The following MKRN1 variants were observed in gnomAD, a reference collection of about 807,000 sequenced individuals.
MKRN1 encodes makorin ring finger protein 1, also known as E3 ubiquitin-protein ligase makorin-1.
In MKRN1, 9 loss-of-function variants were observed where a neutral mutation model predicts 55.5. The ratio of observed to expected loss-of-function variants is 0.16; its 90% confidence interval spans 0.10 to 0.28. The LOEUF is 0.28. MKRN1 is among the 10% of genes least tolerant of loss of function. The pLI, the probability that MKRN1 is intolerant of heterozygous loss-of-function variation, is 1.00. For missense variants in MKRN1, 488 were observed against 626.7 expected (o/e 0.78, Z 2.36); for synonymous variants, 253 against 235.9 (o/e 1.07, Z -0.66).
chr7:140,469,385 GTA>G (rs1467434468), intron 2 of MKRN1, among the ~76,000 whole-genome samples: 1 of 151,788 alleles, frequency 6.6e-6, no homozygotes, highest in Non-Finnish European at 1.5e-5. Context: ...GTGGTTTAAA[GTA>G]CATACAAAAC....
At chr7:140,456,965 ACTG>A in intron 4 of MKRN1, 99 bp from the exon 5 acceptor site, 3 of 1,197,586 alleles carry the variant, frequency 2.5e-6, no homozygotes, top group Admixed American at 2.4e-5. Flanking sequence ...CAAATAGTCA[ACTG>A]AAAAAACAAT....
chr7:140,459,919 G>C lies in MKRN1; in HGVS notation c.332C>G (p.Pro111Arg), dbSNP rs1387699031. Residue 111 changes from proline (P) to arginine (R), a missense_variant, in exon 3 of 8, where the codon CCA becomes CGA. Physicochemically the swap from Pro to Arg is moderately radical, Grantham distance 103 (BLOSUM62 -2). Transcript: ENST00000255977. ...AGCAGTTGCTTCTTCCTGTTTCAATGGTTTGCTATGTTCATATCTAAGAAA... is the reference window on the plus strand; with the variant it reads ...AGCAGTTGCTTCTTCCTGTTTCAATCGTTTGCTATGTTCATATCTAAGAAA... ...GDRCRYEHSK[P>R]LKQEEATATE... 3 of 1,613,622 alleles carry C rather than the reference G, an allele frequency of 1.9e-6. No homozygotes were observed. The highest frequency in any genetic ancestry group is 2.5e-6 in the Non-Finnish European group (3 of 1,179,756).
Position 140,454,414 on chromosome 7 carries a change from G to A in MKRN1, c.*103C>T, listed in dbSNP as rs532914726. 3.5e-6 allele frequency: 4 copies of A among 1,149,540 alleles called. No individual in the cohort carries two copies. The highest frequency in any genetic ancestry group is 1.5e-5 in the African/African-American group (1 of 65,208). 71.2% of individuals were successfully genotyped at this position (1,149,540 alleles called of 1,614,324 possible). A position where few individuals can be genotyped will look rare whatever the true frequency, so the allele number is the denominator to read the frequency against. On this transcript the variant is annotated 3_prime_UTR_variant, in exon 8 of 8. Transcript: ENST00000255977. The stretch of plus-strand genomic sequence containing the variant: ...AAAAATTCTTAGGACAGCACCTGGA[G>A]TTGAGAGGCCTGCCTAGGAGAGAAC...
intron 5 of MKRN1, 130 bp from the exon 6 acceptor site, chr7:140,456,030 G>T: frequency 9.9e-7 from 1 of 1,013,580 alleles, no homozygotes; most frequent in Non-Finnish European, 1.4e-6. Flanking sequence ...TCCTGAAAGG[G>T]TTCCACATAC....
At chr7:140,456,140 C>G (rs1794460078) in intron 5 of MKRN1, 1 of 1,040,086 alleles carries the variant, frequency 9.6e-7, no homozygotes, top group Non-Finnish European at 1.2e-6. Flanking sequence ...AAAAATATAA[C>G]TTAGGTAAAA....
rs73489099 is a variant in MKRN1 at position 140,474,444 on chromosome 7, G to T, written c.186-2433C>A. On this transcript the variant is annotated intron_variant, in intron 1 of 7. Transcript: ENST00000255977. ...CTTGAACTCGCAGTGGGTTGGGGGGGGCCCAGAGGTTGCAGTGAACCAGGA... is the reference window on the plus strand; with the variant it reads ...CTTGAACTCGCAGTGGGTTGGGGGGTGCCCAGAGGTTGCAGTGAACCAGGA... 1.3e-4 allele frequency: 47 copies of T among 358,018 alleles called. 1 individual carries two copies. The highest frequency in any genetic ancestry group is 6.7e-4 in the South Asian group (34 of 50,404). 22.2% of individuals were successfully genotyped at this position (358,018 alleles called of 1,614,324 possible).
At chr7:140,459,647 G>T in intron 3 of MKRN1, 60 bp downstream of exon 3, 1 of 1,509,628 alleles carries the variant, frequency 6.6e-7, no homozygotes, top group Non-Finnish European at 9.2e-7. Context: ...TCAAAACTAA[G>T]CAAATGGATG....
intron 1 of MKRN1, among the ~76,000 whole-genome samples, chr7:140,476,851 C>T (rs1166322094): frequency 6.6e-6 from 1 of 151,762 alleles, no homozygotes; most frequent in Non-Finnish European, 1.5e-5. Context: ...AGGCTGAGGC[C>T]GGCAGATCAC....
In MKRN1 at chr7:140,469,958, G is replaced by A. The variant is rs543863255; in HGVS notation, c.314+1925C>T. On this transcript the variant is annotated intron_variant, in intron 2 of 7. Coordinates refer to ENST00000255977, the MANE Select transcript of MKRN1 (RefSeq NM_013446.4). ...AGCTACTCGGGAGGCTGAGGCAGGA[G>A]AATCACTTGAACCTGGGAGGTGGAG... 6.7e-4 allele frequency among the ~76,000 whole-genome samples: 100 copies of A among 149,550 alleles called. No homozygotes were observed. The South Asian group carries it at 0.02, about 29-fold the overall frequency.
chr7:140,469,097 C>G (rs1363301059), intron 2 of MKRN1, among the ~76,000 whole-genome samples: 1 of 151,984 alleles, frequency 6.6e-6, no homozygotes, highest in African/African-American at 2.4e-5. Context: ...GAGGCTGAGG[C>G]TGGCGGATCA....
rs760157410 is a variant in MKRN1 at position 140,471,964 on chromosome 7, G to A, written c.233C>T (p.Ser78Leu). Reference protein sequence around the residue: ...VCKEGDNCRYSHDLSDSPYSV... With the variant: ...VCKEGDNCRYLHDLSDSPYSV... Reference sequence around the variant, plus strand: ...ATACGGACTGTCAGAGAGGTCATGCGAGTAGCGACAGTTGTCTCCTTCCTT... The same window carrying A: ...ATACGGACTGTCAGAGAGGTCATGCAAGTAGCGACAGTTGTCTCCTTCCTT... Residue 78 changes from serine to leucine, a missense_variant, in exon 2 of 8, where the codon TCG becomes TTG. Physicochemically the swap from Ser to Leu is moderately radical, Grantham distance 145. Transcript: ENST00000255977. 10 of 1,614,118 alleles carry A rather than the reference G, an allele frequency of 6.2e-6. No individual in the cohort carries two copies. Among genetic ancestry groups the A allele is most frequent in the Middle Eastern group, 1.6e-4 (1 of 6,062 alleles).
chr7:140,456,021 C>G, intron 5 of MKRN1, 121 bp from the exon 6 acceptor site: 1 of 1,043,644 alleles, frequency 9.6e-7, no homozygotes, highest in African/African-American at 1.6e-5. Flanking sequence ...GTGGGCATTT[C>G]CTGAAAGGGT....
In MKRN1 at chr7:140,456,822, G is replaced by A. The variant is rs1062764; in HGVS notation, c.816C>T (p.Ala272=). 179 of 1,613,918 alleles carry A rather than the reference G, an allele frequency of 1.1e-4. No homozygotes were observed. Among genetic ancestry groups the A allele is most frequent in the African/African-American group, 1.1e-3 (82 of 74,996 alleles). ...AHEKDMELSF[A]VQRSKDMVCG... ...ACACCATGTCCTTGCTGCGCTGCAC[G>A]GCAAATGAGAGCTCCATGTCCTTCT... Residue 272 remains alanine (A), a synonymous_variant, in exon 5 of 8, where the codon GCC becomes GCT. Coordinates refer to ENST00000255977, the MANE Select transcript of MKRN1 (RefSeq NM_013446.4).
intron 6 of MKRN1, 53 bp downstream of exon 6, chr7:140,455,737 G>A (rs1794448856): frequency 2.8e-6 from 4 of 1,416,534 alleles, no homozygotes; most frequent in Admixed American, 1.7e-5. Flanking sequence ...TTTTCAAAGT[G>A]AACCCAAGCT....
intron 2 of MKRN1, among the ~76,000 whole-genome samples, chr7:140,464,900 C>A (rs1563091751): frequency 6.6e-6 from 1 of 152,178 alleles, no homozygotes; most frequent in African/African-American, 2.4e-5. Context: ...AGGTGATCCT[C>A]CCACCTCAGT....
intron 2 of MKRN1, among the ~76,000 whole-genome samples, chr7:140,462,978 G>T (rs1794667070): frequency 6.6e-6 from 1 of 151,820 alleles, no homozygotes; most frequent in Non-Finnish European, 1.5e-5. Context: ...AACCAATAAA[G>T]ACTATGCGCG....
intron 1 of MKRN1, chr7:140,478,344 A>G (rs1004010400): frequency 3.3e-5 from 5 of 152,024 alleles, no homozygotes; most frequent in African/African-American, 4.8e-5. Flanking sequence ...AATTTTTCTA[A>G]TATTTTCGTC....
chr7:140,453,574 T>C lies in MKRN1; in HGVS notation c.*943A>G, dbSNP rs1318772197. The stretch of plus-strand genomic sequence containing the variant: ...AACTGTGTATCCAAGACCCAGTTTG[T>C]GTTATTATATGGGATAACCAGGTAG... On this transcript the variant is annotated 3_prime_UTR_variant, in exon 8 of 8. Transcript: ENST00000255977. 1 of 152,600 alleles carries C rather than the reference T, an allele frequency of 6.6e-6. No individual in the cohort carries two copies. Among genetic ancestry groups the C allele is most frequent in the Non-Finnish European group, 1.5e-5 (1 of 68,052 alleles). 9.5% of individuals were successfully genotyped at this position (152,600 alleles called of 1,614,324 possible). A position where few individuals can be genotyped will look rare whatever the true frequency, so the allele number is the denominator to read the frequency against.
chr7:140,473,997 A>G (rs1396548400), intron 1 of MKRN1, among the ~76,000 whole-genome samples: 1 of 113,772 alleles, frequency 8.8e-6, no homozygotes, highest in African/African-American at 3.9e-5. Flanking sequence ...CGTCTCAAAA[A>G]AAAAAAAAAA....
Sources: gnomAD v4.1 joint callset for allele counts (sites outside exome capture counted in the v4.1 genomes callset) on GRCh38, gnomAD v4.1.1 for gene constraint, MANE v1.5 for transcripts, NCBI Gene and HGNC (gene_info 2026-07-23, HGNC 2026-07-21) for gene names.